The following PLD5 variants were observed in gnomAD, a reference collection of about 807,000 sequenced individuals.
PLD5 encodes the protein inactive phospholipase D5.
PLD5 carries 36 observed loss-of-function variants against 61.1 expected under a neutral mutation model. The ratio of observed to expected loss-of-function variants is 0.59; its 90% confidence interval spans 0.45 to 0.78. The LOEUF is 0.78. Among genes scored for constraint, PLD5 ranks in the 30% least tolerant of loss-of-function variants. The pLI is 0.00. For missense variants in PLD5, 515 were observed against 644.4 expected (o/e 0.80, Z 2.17); for synonymous variants, 243 against 242.8 (o/e 1.00, Z -0.01).
chr1:242,215,032 G>T (rs7555640), intron 5 of PLD5, among the ~76,000 whole-genome samples: 1 of 145,712 alleles, frequency 6.9e-6, no homozygotes, highest in Non-Finnish European at 1.5e-5. Context: ...GCCTGCCACC[G>T]TGCCTGGCCA....
chr1:242,182,469 C>T (rs1473511835), intron 5 of PLD5, among the ~76,000 whole-genome samples: 1 of 152,186 alleles, frequency 6.6e-6, no homozygotes, highest in African/African-American at 2.4e-5. Flanking sequence ...TCCTTGCACC[C>T]CTTGATTACA....
At chr1:242,182,721 A>G (rs1667597538) in intron 5 of PLD5, among the ~76,000 whole-genome samples, 1 of 152,050 alleles carries the variant, frequency 6.6e-6, no homozygotes, top group African/African-American at 2.4e-5. Flanking sequence ...CACACGCCCG[A>G]AATCCCAGCT....
At position 242,517,852 on chromosome 1, in the gene PLD5, A is replaced by G. The variant is rs12086469; in HGVS notation, c.189+6236T>C. Among the ~76,000 whole-genome samples the G allele has an allele frequency of 4.6e-3, 697 of 152,320 alleles. 6 individuals are homozygous for G. The highest frequency in any genetic ancestry group is 0.016 in the African/African-American group (666 of 41,578). On this transcript the variant is annotated intron_variant, in intron 1 of 9. Transcript: ENST00000536534. ...ACACAGTATCTTTCACATGAAAGAC[A>G]CTCAGTAAATATCTGGTGACTGATG...
chr1:242,403,877 G>A (rs1199472062), intron 1 of PLD5, among the ~76,000 whole-genome samples: 1 of 151,746 alleles, frequency 6.6e-6, no homozygotes. Context: ...GTGTGAGTTT[G>A]AACTAGATGA....
intron 2 of PLD5, among the ~76,000 whole-genome samples, chr1:242,310,310 C>G (rs1471149062): frequency 6.6e-6 from 1 of 152,138 alleles, no homozygotes; most frequent in East Asian, 1.9e-4. Flanking sequence ...ACTCCTATCT[C>G]TTGGATAGGA....
intron 1 of PLD5, among the ~76,000 whole-genome samples, chr1:242,478,827 G>A (rs1481264645): frequency 6.6e-6 from 1 of 152,152 alleles, no homozygotes; most frequent in Non-Finnish European, 1.5e-5. Context: ...GAAACACAAA[G>A]AGAGCACATA....
intron 5 of PLD5, among the ~76,000 whole-genome samples, chr1:242,160,174 G>A (rs1665713349): frequency 6.6e-6 from 1 of 151,902 alleles, no homozygotes; most frequent in Non-Finnish European, 1.5e-5. Context: ...ACCACATCTG[G>A]CTAATTAATT....
At chr1:242,274,349 T>G (rs1674283836) in intron 3 of PLD5, among the ~76,000 whole-genome samples, 1 of 152,186 alleles carries the variant, frequency 6.6e-6, no homozygotes, top group South Asian at 2.1e-4. Context: ...GCCAAGAGTT[T>G]GAGACCAGCC....
chr1:242,519,836 T>A (rs2103010957), intron 1 of PLD5, among the ~76,000 whole-genome samples: 1 of 152,292 alleles, frequency 6.6e-6, no homozygotes. Context: ...GACCACTCAC[T>A]TAGCGTCCAG....
chr1:242,151,094 TTCC>T (rs1163689333), intron 5 of PLD5, among the ~76,000 whole-genome samples: 1 of 151,918 alleles, frequency 6.6e-6, no homozygotes, highest in Non-Finnish European at 1.5e-5. Flanking sequence ...ATACTTTCAA[TTCC>T]TCCCTCCCAT....
At chr1:242,267,403 G>A (rs925925777) in intron 3 of PLD5, among the ~76,000 whole-genome samples, 1 of 152,176 alleles carries the variant, frequency 6.6e-6, no homozygotes, top group East Asian at 1.9e-4. Context: ...TTGCACCATT[G>A]CACCTGTGCC....
intron 1 of PLD5, among the ~76,000 whole-genome samples, chr1:242,426,331 A>AT (rs397947435): frequency 7.0e-6 from 1 of 143,468 alleles, no homozygotes; most frequent in Non-Finnish European, 1.5e-5. Flanking sequence ...AAAAAAAAAA[A>AT]GTTAACAAAC....
intron 1 of PLD5, among the ~76,000 whole-genome samples, chr1:242,495,584 A>G (rs1008048776): frequency 6.6e-6 from 1 of 152,188 alleles, no homozygotes; most frequent in African/African-American, 2.4e-5. Context: ...ATTTTCTTAC[A>G]GACATATTAG....
At chr1:242,315,648 C>A (rs916546123) in intron 2 of PLD5, among the ~76,000 whole-genome samples, 4 of 149,644 alleles carry the variant, frequency 2.7e-5, no homozygotes, top group Non-Finnish European at 5.9e-5. Flanking sequence ...TGGAGGATAA[C>A]TTTTTTTTTT....
intron 3 of PLD5, among the ~76,000 whole-genome samples, chr1:242,274,571 G>A (rs1397781433): frequency 2.0e-5 from 3 of 152,118 alleles, no homozygotes; most frequent in Non-Finnish European, 4.4e-5. Context: ...TGGCTAACAC[G>A]GTGAAACCCC....
At chr1:242,155,184 C>A (rs1665255406) in intron 5 of PLD5, among the ~76,000 whole-genome samples, 1 of 152,044 alleles carries the variant, frequency 6.6e-6, no homozygotes, top group Non-Finnish European at 1.5e-5. Flanking sequence ...TCTTTGAGAT[C>A]CGTGGTGATA....
At chr1:242,219,939 C>A in intron 5 of PLD5, 49 bp downstream of exon 5, 1 of 1,579,996 alleles carries the variant, frequency 6.3e-7, no homozygotes, top group South Asian at 1.1e-5. Flanking sequence ...TGAAGGTGGT[C>A]GCTTTGAGGG....
chr1:242,416,353 C>T (rs977682648), intron 1 of PLD5, among the ~76,000 whole-genome samples: 12 of 151,648 alleles, frequency 7.9e-5, no homozygotes, highest in African/African-American at 2.9e-4. Context: ...TTTTCTATGT[C>T]AAATGTTAAA....
At chr1:242,290,492 G>C (rs1675294150) in intron 2 of PLD5, among the ~76,000 whole-genome samples, 1 of 152,138 alleles carries the variant, frequency 6.6e-6, no homozygotes, top group South Asian at 2.1e-4. Flanking sequence ...TGCAGAGGCT[G>C]TGATCAAGGG....
Sources: allele counts gnomAD v4.1 joint callset (sites outside exome capture counted in the v4.1 genomes callset), GRCh38; gene constraint gnomAD v4.1.1; transcripts MANE v1.5; gene names NCBI Gene and HGNC (gene_info 2026-07-23, HGNC 2026-07-21).